Variants in ZNF385D observed in about 807,000 individuals in gnomAD.
ZNF385D encodes the protein zinc finger protein 659.
ZNF385D carries 15 observed loss-of-function variants against 35.8 expected under a neutral mutation model. The observed-to-expected ratio is 0.42, with a 90% CI of 0.28 to 0.64. The LOEUF (loss-of-function observed/expected upper bound fraction) is 0.64. ZNF385D is among the 30% of genes least tolerant of loss of function. ZNF385D has a pLI of 0.23. For synonymous variants in ZNF385D, 212 were observed against 186.8 expected (o/e 1.13, Z -1.10); for missense variants, 474 against 494.6 (o/e 0.96, Z 0.39).
intron 1 of ZNF385D, among the ~76,000 whole-genome samples, chr3:21,721,722 C>A (rs2125450353): frequency 6.6e-6 from 1 of 152,268 alleles, no homozygotes; most frequent in African/African-American, 2.4e-5. Context: ...CAAAGCCTCT[C>A]CACTTTATTT....
intron 1 of ZNF385D, among the ~76,000 whole-genome samples, chr3:21,724,477 CA>C (rs200803155): frequency 1.9e-5 from 1 of 52,022 alleles, no homozygotes; most frequent in Non-Finnish European, 3.3e-5. Flanking sequence ...AATGGAAAGC[CA>C]AAAAAAAAAA....
chr3:21,947,105 T>A (rs1575982815), intron 3 of ZNF385D, among the ~76,000 whole-genome samples: 1 of 152,320 alleles, frequency 6.6e-6, no homozygotes, highest in Middle Eastern at 3.4e-3. Flanking sequence ...AAAGGTGATA[T>A]AAATATTTCA....
At chr3:22,155,237 A>G (rs1705511195) in intron 3 of ZNF385D, among the ~76,000 whole-genome samples, 1 of 152,142 alleles carries the variant, frequency 6.6e-6, no homozygotes, top group South Asian at 2.1e-4. Context: ...GTACAGAAAA[A>G]CATTATTGAT....
intron 1 of ZNF385D, among the ~76,000 whole-genome samples, chr3:21,749,056 A>G (rs2069925146): frequency 6.6e-6 from 1 of 152,206 alleles, no homozygotes; most frequent in African/African-American, 2.4e-5. Context: ...GCAGAAAAAC[A>G]TTTCTTATAC....
intron 3 of ZNF385D, among the ~76,000 whole-genome samples, chr3:22,005,571 C>T (rs1297606143): frequency 6.6e-6 from 1 of 151,992 alleles, no homozygotes; most frequent in Non-Finnish European, 1.5e-5. Context: ...TGCACAATTA[C>T]ACACGTATCA....
At chr3:21,882,853 G>A (rs1698351269) in intron 3 of ZNF385D, among the ~76,000 whole-genome samples, 1 of 151,866 alleles carries the variant, frequency 6.6e-6, no homozygotes. Context: ...CACTTTCCCA[G>A]TTTCTCCACT....
At chr3:21,532,526 C>T (rs947415794) in intron 3 of ZNF385D, among the ~76,000 whole-genome samples, 2 of 151,866 alleles carry the variant, frequency 1.3e-5, no homozygotes, top group Non-Finnish European at 2.9e-5. Context: ...TTTTAGTTTC[C>T]TTCTGGTTGT....
At chr3:22,004,976 G>C (rs1481183014) in intron 3 of ZNF385D, among the ~76,000 whole-genome samples, 1 of 141,202 alleles carries the variant, frequency 7.1e-6, no homozygotes, top group African/African-American at 2.6e-5. Context: ...CCTTAGCTTT[G>C]GCAAAATAAA....
intron 3 of ZNF385D, among the ~76,000 whole-genome samples, chr3:21,543,616 C>T (rs746787589): frequency 2.6e-5 from 4 of 152,120 alleles, no homozygotes; most frequent in South Asian, 2.1e-4. Flanking sequence ...TTTAACTTTT[C>T]TTATGCAACT....
intron 3 of ZNF385D, among the ~76,000 whole-genome samples, chr3:21,872,369 T>C (rs1697739898): frequency 6.6e-6 from 1 of 152,178 alleles, no homozygotes; most frequent in Non-Finnish European, 1.5e-5. Flanking sequence ...CTATTATTCT[T>C]ATATTCCTAG....
rs1700642025 is a variant in ZNF385D at position 21,419,308 on chromosome 3, T to C, written c.*1906A>G. 6.6e-6 allele frequency: 1 copy of C among 152,200 alleles called. No individual in the cohort carries two copies. The highest frequency in any genetic ancestry group is 2.4e-5 in the African/African-American group (1 of 41,424). The allele number at this position is 152,200 out of a possible 1,614,324, so 9.4% of individuals were successfully genotyped here. A position where few individuals can be genotyped will look rare whatever the true frequency, so the allele number is the denominator to read the frequency against. Reference sequence around the variant, plus strand: ...TAAAGCCAACTGCTTTAAAGATTCATTTATATGACAAATTTCTATAGCTAG... The same window carrying C: ...TAAAGCCAACTGCTTTAAAGATTCACTTATATGACAAATTTCTATAGCTAG... On this transcript the variant is annotated 3_prime_UTR_variant, in exon 8 of 8. Coordinates refer to ENST00000281523, the MANE Select transcript of ZNF385D (RefSeq NM_024697.3).
chr3:21,750,521 TC>T (rs2070017014), intron 1 of ZNF385D, among the ~76,000 whole-genome samples: 1 of 152,162 alleles, frequency 6.6e-6, no homozygotes, highest in African/African-American at 2.4e-5. Context: ...TTTCACAGCA[TC>T]AATTGTATAG....
At chr3:21,903,378 T>A (rs1699510952) in intron 3 of ZNF385D, among the ~76,000 whole-genome samples, 1 of 152,164 alleles carries the variant, frequency 6.6e-6, no homozygotes, top group African/African-American at 2.4e-5. Context: ...TCATTTAAAA[T>A]TGTGACCCTA....
chr3:21,427,354 A>G (rs560292564), intron 5 of ZNF385D, among the ~76,000 whole-genome samples: 4 of 152,302 alleles, frequency 2.6e-5, no homozygotes, highest in African/African-American at 7.2e-5. Flanking sequence ...ATGAATGCCT[A>G]AGAAGTTAGT....
At chr3:21,888,015 G>C (rs1698637969) in intron 3 of ZNF385D, among the ~76,000 whole-genome samples, 2 of 152,050 alleles carry the variant, frequency 1.3e-5, no homozygotes, top group Non-Finnish European at 2.9e-5. Context: ...TTAAAATAAA[G>C]TGATTAAATG....
At chr3:21,758,673 C>A (rs1253158939) in intron 3 of ZNF385D, among the ~76,000 whole-genome samples, 1 of 152,098 alleles carries the variant, frequency 6.6e-6, no homozygotes, top group East Asian at 1.9e-4. Flanking sequence ...AGTCCTGATC[C>A]CCTTGCAGTA....
intron 2 of ZNF385D, among the ~76,000 whole-genome samples, chr3:22,271,552 C>T (rs140228465): frequency 6.1e-4 from 92 of 152,038 alleles, no homozygotes; most frequent in African/African-American, 2.0e-3. Context: ...TTTTCAAATT[C>T]ACCACCACAT....
chr3:22,045,039 T>C (rs951489458), intron 3 of ZNF385D, among the ~76,000 whole-genome samples: 1 of 152,084 alleles, frequency 6.6e-6, no homozygotes, highest in African/African-American at 2.4e-5. Flanking sequence ...CTGTTAATTT[T>C]TGTTTGTTGA....
intron 3 of ZNF385D, among the ~76,000 whole-genome samples, chr3:21,792,094 G>C (rs972945396): frequency 6.6e-6 from 1 of 152,152 alleles, no homozygotes; most frequent in Non-Finnish European, 1.5e-5. Flanking sequence ...TCAAAAGATG[G>C]AGGGCCCAAA....
Sources: allele counts gnomAD v4.1 joint callset (sites outside exome capture counted in the v4.1 genomes callset), GRCh38; gene constraint gnomAD v4.1.1; transcripts MANE v1.5; gene names NCBI Gene and HGNC (gene_info 2026-07-23, HGNC 2026-07-21).